Variants in PTPRT observed in about 807,000 individuals in gnomAD.
The protein encoded by PTPRT is receptor-type tyrosine-protein phosphatase T.
Under a neutral mutation model 176.8 loss-of-function variants are expected in PTPRT, and 56 were observed. That is an observed-to-expected ratio of 0.32 (90% CI 0.26 to 0.40). The LOEUF is 0.40. PTPRT is among the 10% of genes least tolerant of loss of function. PTPRT has a pLI of 1.00. For synonymous variants in PTPRT, 783 were observed against 739.0 expected, an observed-to-expected ratio of 1.06 and a Z score of -0.96; for missense variants, 1,540 against 1,908.2, an observed-to-expected ratio of 0.81 and a Z score of 3.60.
Position 42,704,221 on chromosome 20 carries a change from C to T in PTPRT, c.860-26062G>A, listed in dbSNP as rs537631462. 2.6e-5 allele frequency among the ~76,000 whole-genome samples: 4 copies of T among 152,208 alleles called. No homozygotes were observed. The South Asian group carries it at 8.3e-4, about 32-fold the overall frequency. On this transcript the variant is annotated intron_variant, in intron 6 of 30. Coordinates refer to ENST00000373187, the MANE Select transcript of PTPRT (RefSeq NM_007050.6). Reference sequence around the variant, plus strand: ...ATATTCAATCATAGAATTGTCCCCACTTCCTAACAGCTCAATCTAGAAAAA... The same window carrying T: ...ATATTCAATCATAGAATTGTCCCCATTTCCTAACAGCTCAATCTAGAAAAA...
At chr20:42,399,814 A>G (rs1360965251) in intron 9 of PTPRT, among the ~76,000 whole-genome samples, 2 of 152,220 alleles carry the variant, frequency 1.3e-5, no homozygotes, top group African/African-American at 2.4e-5. Flanking sequence ...GTTAAATACA[A>G]TTCTCTAGAT....
chr20:42,212,094 CA>C (rs1238414477), intron 15 of PTPRT, among the ~76,000 whole-genome samples: 35 of 132,896 alleles, frequency 2.6e-4, no homozygotes, highest in Admixed American at 3.5e-4. Context: ...GGGAATTGAA[CA>C]ATGAGATCAC....
At chr20:42,258,761 T>G (rs1289886987) in intron 13 of PTPRT, among the ~76,000 whole-genome samples, 1 of 152,206 alleles carries the variant, frequency 6.6e-6, no homozygotes, top group Non-Finnish European at 1.5e-5. Context: ...TTGCCTCAAT[T>G]CATCATATGA....
At chr20:42,475,790 C>G (rs2071278508) in intron 7 of PTPRT, among the ~76,000 whole-genome samples, 2 of 152,196 alleles carry the variant, frequency 1.3e-5, no homozygotes, top group African/African-American at 2.4e-5. Context: ...CATATACACA[C>G]ATTTCTGCTC....
chr20:42,915,536 G>A (rs1472536268), intron 1 of PTPRT, among the ~76,000 whole-genome samples: 1 of 152,232 alleles, frequency 6.6e-6, no homozygotes. Flanking sequence ...CATAGAGGCA[G>A]CCACCTTAAG....
chr20:42,832,514 A>C (rs1339906299), intron 2 of PTPRT, among the ~76,000 whole-genome samples: 1 of 152,142 alleles, frequency 6.6e-6, no homozygotes, highest in Non-Finnish European at 1.5e-5. Context: ...GCTAAAAAAA[A>C]AGACATTTTG....
chr20:42,704,311 G>T (rs182029980), intron 6 of PTPRT, among the ~76,000 whole-genome samples: 8 of 151,098 alleles, frequency 5.3e-5, no homozygotes, highest in Admixed American at 2.6e-4. Flanking sequence ...ACACTGTCTT[G>T]CCGAGACACC....
intron 1 of PTPRT, among the ~76,000 whole-genome samples, chr20:42,896,635 C>CAAAAAA (rs58679220): frequency 1.4e-5 from 1 of 72,328 alleles, no homozygotes; most frequent in Non-Finnish European, 3.1e-5. Flanking sequence ...AACTCCGTCT[C>CAAAAAA]AAAAAAAAAA....
rs979306617 is a variant in PTPRT, at chr20:42,979,851, A to G, written c.89-93919T>C. 3.3e-5 allele frequency among the ~76,000 whole-genome samples: 5 copies of G among 151,920 alleles called. No individual in the cohort carries two copies. In the South Asian group the frequency reaches 1.0e-3, roughly 32 times the overall value. On this transcript the variant is annotated intron_variant, in intron 1 of 30. Coordinates refer to ENST00000373187, the MANE Select transcript of PTPRT (RefSeq NM_007050.6). Reference sequence around the variant, plus strand: ...TCCCAAAATCTCAAATCACCCAGGTATTCCCAGAACGTCTATCCTGTGTCC... The same window carrying G: ...TCCCAAAATCTCAAATCACCCAGGTGTTCCCAGAACGTCTATCCTGTGTCC...
chr20:42,433,080 T>C (rs2059229598), intron 9 of PTPRT, among the ~76,000 whole-genome samples: 1 of 152,154 alleles, frequency 6.6e-6, no homozygotes, highest in Admixed American at 6.6e-5. Context: ...GACACGGACA[T>C]GTCTGGACTT....
intron 1 of PTPRT, among the ~76,000 whole-genome samples, chr20:42,984,795 T>A (rs1463537630): frequency 6.6e-6 from 1 of 152,218 alleles, no homozygotes; most frequent in Admixed American, 6.5e-5. Context: ...ATTCTCCTTG[T>A]ATGATGCCAG....
chr20:42,421,723 C>G (rs112260450), intron 9 of PTPRT, among the ~76,000 whole-genome samples: 2,970 of 152,138 alleles, frequency 0.02, 108 homozygotes, highest in African/African-American at 0.067. Context: ...TTATATGGAA[C>G]CACTAAAAAC....
chr20:42,933,864 C>A (rs6016921), intron 1 of PTPRT, among the ~76,000 whole-genome samples: 61 of 152,306 alleles, frequency 4.0e-4, no homozygotes, highest in African/African-American at 1.5e-3. Context: ...CCTCCCAACC[C>A]GACAAGATGA....
chr20:42,396,104 A>G (rs1255804807), intron 9 of PTPRT, among the ~76,000 whole-genome samples: 1 of 152,146 alleles, frequency 6.6e-6, no homozygotes, highest in Non-Finnish European at 1.5e-5. Context: ...TCTGAAACTT[A>G]ACAGATGCCA....
intron 7 of PTPRT, among the ~76,000 whole-genome samples, chr20:42,596,817 T>A (rs1031047976): frequency 6.6e-6 from 1 of 151,830 alleles, no homozygotes; most frequent in Non-Finnish European, 1.5e-5. Flanking sequence ...ATGTAAGAGG[T>A]TGGCAACAGC....
intron 8 of PTPRT, among the ~76,000 whole-genome samples, chr20:42,469,234 C>A (rs1046325811): frequency 6.6e-6 from 1 of 152,110 alleles, no homozygotes; most frequent in Non-Finnish European, 1.5e-5. Context: ...GACAGAGTCT[C>A]GCTCTGTCAC....
At chr20:42,654,978 G>A (rs909402838) in intron 7 of PTPRT, among the ~76,000 whole-genome samples, 6 of 152,210 alleles carry the variant, frequency 3.9e-5, no homozygotes, top group East Asian at 3.9e-4. Context: ...TAGTCATCAC[G>A]AGACCTTCTT....
intron 2 of PTPRT, among the ~76,000 whole-genome samples, chr20:42,863,545 T>C (rs760280260): frequency 6.6e-6 from 1 of 152,194 alleles, no homozygotes; most frequent in South Asian, 2.1e-4. Flanking sequence ...GCTCACGAAT[T>C]CATGAGTAGT....
chr20:42,126,470 T>C (rs1987862123), intron 19 of PTPRT, among the ~76,000 whole-genome samples: 1 of 152,208 alleles, frequency 6.6e-6, no homozygotes, highest in Non-Finnish European at 1.5e-5. Context: ...GTTGTGATAC[T>C]AGTTAAGGTG....
Sources: gnomAD v4.1 joint callset for allele counts (sites outside exome capture counted in the v4.1 genomes callset) on GRCh38, gnomAD v4.1.1 for gene constraint, MANE v1.5 for transcripts, NCBI Gene and HGNC (gene_info 2026-07-23, HGNC 2026-07-21) for gene names.